The following HPS3 variants were observed in gnomAD, a reference collection of about 807,000 sequenced individuals.
The protein encoded by HPS3 is BLOC-2 complex member HPS3.
Under a neutral mutation model 110.9 loss-of-function variants are expected in HPS3, and 79 were observed. The observed-to-expected ratio is 0.71, with a 90% confidence interval of 0.59 to 0.86. The LOEUF (loss-of-function observed/expected upper bound fraction) is 0.86. HPS3 is among the 40% of genes least tolerant of loss of function. The probability of loss-of-function intolerance (pLI) is 0.00; values close to 1 mark genes in which losing one functional copy is unlikely to be tolerated. For missense variants in HPS3, 1,197 were observed against 1,206.2 expected (o/e 0.99, Z 0.11); for synonymous variants, 428 against 451.0 (o/e 0.95, Z 0.65).
At chr3:149,147,318 T>G (rs1198888114) in intron 5 of HPS3, among the ~76,000 whole-genome samples, 1 of 152,100 alleles carries the variant, frequency 6.6e-6, no homozygotes, top group African/African-American at 2.4e-5. Context: ...CTTAGAAGTT[T>G]TACTACCGCC....
chr3:149,171,429 A>AACAG (rs59067716), intron 16 of HPS3, among the ~76,000 whole-genome samples: 1 of 152,094 alleles, frequency 6.6e-6, no homozygotes, highest in Non-Finnish European at 1.5e-5. Flanking sequence ...TATCCTATCA[A>AACAG]TCTTTATAAA....
rs1487297780 is a variant in HPS3 at position 149,172,963 on chromosome 3, C to A, written c.*741C>A. ...AGAAATACATCATTGTATTCACAAC[C>A]ATGTGTCTTCATTTATAACTTTTTG... is the stretch of plus-strand genomic sequence containing the variant. On this transcript the variant is annotated 3_prime_UTR_variant, in exon 17 of 17. Transcript: ENST00000296051. The A allele has an allele frequency of 6.6e-6, 1 of 152,492 alleles. No homozygotes were observed. Among genetic ancestry groups the A allele is most frequent in the Non-Finnish European group, 1.5e-5 (1 of 67,988 alleles). The allele number at this position is 152,492 out of a possible 1,614,324, so 9.4% of individuals were successfully genotyped here. A position where few individuals can be genotyped will look rare whatever the true frequency, so the allele number is the denominator to read the frequency against.
At chr3:149,170,817 G>T (rs1429375798) in intron 16 of HPS3, among the ~76,000 whole-genome samples, 1 of 152,190 alleles carries the variant, frequency 6.6e-6, no homozygotes, top group Non-Finnish European at 1.5e-5. Context: ...CACAGGGAAT[G>T]GCACTGACAT....
intron 5 of HPS3, among the ~76,000 whole-genome samples, chr3:149,147,276 C>G (rs1175890877): frequency 1.3e-5 from 2 of 151,818 alleles, no homozygotes; most frequent in Non-Finnish European, 1.5e-5. Flanking sequence ...CTTTTGGACA[C>G]ATAGAACTGT....
At chr3:149,130,965 T>A (rs189436170) in intron 1 of HPS3, among the ~76,000 whole-genome samples, 26 of 152,294 alleles carry the variant, frequency 1.7e-4, no homozygotes, top group Non-Finnish European at 2.9e-4. Context: ...CTTTACAAGA[T>A]GGGTGTAAAG....
chr3:149,134,218 A>G (rs1358473852), intron 1 of HPS3, among the ~76,000 whole-genome samples: 1 of 152,158 alleles, frequency 6.6e-6, no homozygotes, highest in African/African-American at 2.4e-5. Context: ...GGAATATTCC[A>G]ATTTTGGTAT....
chr3:149,145,278 C>A, intron 4 of HPS3, 76 bp from the exon 5 acceptor site: 1 of 1,165,778 alleles, frequency 8.6e-7, no homozygotes. Flanking sequence ...GTTTGCATAG[C>A]AAAGTCAATA....
intron 6 of HPS3, among the ~76,000 whole-genome samples, chr3:149,153,056 C>G (rs1420794406): frequency 6.6e-6 from 1 of 152,168 alleles, no homozygotes; most frequent in African/African-American, 2.4e-5. Flanking sequence ...GTAGAATGTC[C>G]TTTCATAGTG....
At chr3:149,141,735 C>T (rs113974255) in intron 4 of HPS3, among the ~76,000 whole-genome samples, 14 of 151,518 alleles carry the variant, frequency 9.2e-5, no homozygotes, top group African/African-American at 3.4e-4. Context: ...CGGGGTTTCA[C>T]CATGTTGGGC....
At chr3:149,143,763 G>A (rs750236602) in intron 4 of HPS3, among the ~76,000 whole-genome samples, 12 of 152,136 alleles carry the variant, frequency 7.9e-5, no homozygotes, top group Non-Finnish European at 1.3e-4. Flanking sequence ...AAAAAGAATA[G>A]GGAGAAAAAA....
chr3:149,133,935 G>T (rs1042758481), intron 1 of HPS3, among the ~76,000 whole-genome samples: 9 of 151,432 alleles, frequency 5.9e-5, no homozygotes, highest in Admixed American at 2.0e-4. Context: ...GCTTTATTGC[G>T]GTGGTCTGGA....
chr3:149,160,661 G>C (rs954435867), intron 11 of HPS3, among the ~76,000 whole-genome samples: 5 of 152,178 alleles, frequency 3.3e-5, no homozygotes, highest in Non-Finnish European at 7.3e-5. Flanking sequence ...TGAGCTTTAG[G>C]AGTCTAGTAG....
intron 6 of HPS3, among the ~76,000 whole-genome samples, chr3:149,152,204 A>G (rs945895549): frequency 1.3e-5 from 2 of 152,216 alleles, no homozygotes; most frequent in African/African-American, 4.8e-5. Flanking sequence ...TAGAAAAGTA[A>G]CAGATTAAAA....
chr3:149,142,563 C>T (rs1374899188), intron 4 of HPS3, among the ~76,000 whole-genome samples: 2 of 152,108 alleles, frequency 1.3e-5, no homozygotes, highest in Non-Finnish European at 2.9e-5. Context: ...ACTAATAGGC[C>T]CTGCACTCAG....
In HPS3 at chr3:149,136,017, C is replaced by T. The variant is rs531454305; in HGVS notation, c.218-3987C>T. Among the ~76,000 whole-genome samples, 28 of 152,130 alleles carry T rather than the reference C, an allele frequency of 1.8e-4. No individual in the cohort carries two copies. In the South Asian group the frequency reaches 4.6e-3, roughly 25 times the overall value. The stretch of plus-strand genomic sequence containing the variant: ...ACTGTTAGCCATGTTTGTGATCTTG[C>T]TACATAAAAGGGAAAGTTTACTTAT... On this transcript the variant is annotated intron_variant, in intron 1 of 16. Transcript: ENST00000296051.
At chr3:149,161,010 T>C (rs1437080143) in intron 11 of HPS3, among the ~76,000 whole-genome samples, 2 of 152,214 alleles carry the variant, frequency 1.3e-5, no homozygotes, top group African/African-American at 2.4e-5. Context: ...TCGGGCAGCC[T>C]GATTTCAGAA....
intron 1 of HPS3, among the ~76,000 whole-genome samples, chr3:149,134,188 C>G (rs1033145541): frequency 1.3e-5 from 2 of 152,162 alleles, no homozygotes; most frequent in Middle Eastern, 3.2e-3. Flanking sequence ...CTCATTAACT[C>G]TTTAAGTTCC....
At chr3:149,149,120 A>ATTTTTTTTT (rs777091621) in intron 5 of HPS3, among the ~76,000 whole-genome samples, 1 of 136,562 alleles carries the variant, frequency 7.3e-6, no homozygotes, top group Non-Finnish European at 1.6e-5. Flanking sequence ...CGCCCAGCTA[A>ATTTTTTTTT]TTTTTTTTTT....
intron 10 of HPS3, among the ~76,000 whole-genome samples, chr3:149,159,529 T>A (rs1016978568): frequency 2.0e-5 from 3 of 152,130 alleles, no homozygotes; most frequent in African/African-American, 7.2e-5. Flanking sequence ...CACCACTGCA[T>A]TCCAGGCTGG....
Sources: allele counts gnomAD v4.1 joint callset (sites outside exome capture counted in the v4.1 genomes callset), GRCh38; gene constraint gnomAD v4.1.1; transcripts MANE v1.5; gene names NCBI Gene and HGNC (gene_info 2026-07-23, HGNC 2026-07-21).